ADAM12: variants seen among roughly 807,000 people sequenced by gnomAD.
The protein encoded by ADAM12 is disintegrin and metalloproteinase domain-containing protein 12.
ADAM12 carries 70 observed loss-of-function variants against 106.4 expected under a neutral mutation model. That is an observed-to-expected ratio of 0.66 (90% CI 0.54 to 0.80). ADAM12 has a LOEUF of 0.80. Ranked by LOEUF, ADAM12 falls within the 30% of genes least tolerant of loss-of-function variation. The probability of loss-of-function intolerance (pLI) is 0.00; values close to 1 mark genes in which losing one functional copy is unlikely to be tolerated. For missense variants in ADAM12, 1,010 were observed against 1,171.9 expected, an observed-to-expected ratio of 0.86 and a Z score of 2.02; for synonymous variants, 420 against 433.5, an observed-to-expected ratio of 0.97 and a Z score of 0.39.
intron 6 of ADAM12, among the ~76,000 whole-genome samples, chr10:126,110,059 AC>A (rs1554970110): frequency 6.6e-6 from 1 of 152,110 alleles, no homozygotes; most frequent in Non-Finnish European, 1.5e-5. Flanking sequence ...CACTTGGAAA[AC>A]CCTTAAAAAG....
chr10:126,350,348 G>T (rs1855306304), intron 1 of ADAM12, among the ~76,000 whole-genome samples: 1 of 152,216 alleles, frequency 6.6e-6, no homozygotes, highest in Non-Finnish European at 1.5e-5. Context: ...CACATGGAGA[G>T]AAACTCTCCT....
In ADAM12 at chr10:126,269,283, C is replaced by T. The variant is rs557674561; in HGVS notation, c.260+9632G>A. ...CTGTATTTTGTGCCAACATCCTTCTCATCCTGTGACTTAGAATGCCTTAAC... is the reference window on the plus strand; with the variant it reads ...CTGTATTTTGTGCCAACATCCTTCTTATCCTGTGACTTAGAATGCCTTAAC... On this transcript the variant is annotated intron_variant, in intron 3 of 22. Transcript: ENST00000448723. 2.6e-5 allele frequency among the ~76,000 whole-genome samples: 4 copies of T among 152,180 alleles called. No individual in the cohort carries two copies. In the South Asian group the frequency reaches 8.3e-4, roughly 32 times the overall value.
At chr10:126,179,015 C>T (rs1280747584) in intron 3 of ADAM12, among the ~76,000 whole-genome samples, 1 of 151,664 alleles carries the variant, frequency 6.6e-6, no homozygotes. Flanking sequence ...CCACTGCACT[C>T]CAGCTTGGGC....
At chr10:126,301,163 C>T (rs1184609114) in intron 2 of ADAM12, among the ~76,000 whole-genome samples, 2 of 152,152 alleles carry the variant, frequency 1.3e-5, no homozygotes, top group Non-Finnish European at 2.9e-5. Context: ...CTCCCCAGCA[C>T]AGAATAACCC....
intron 1 of ADAM12, among the ~76,000 whole-genome samples, chr10:126,387,181 A>G (rs1388071424): frequency 6.6e-6 from 1 of 152,252 alleles, no homozygotes. Context: ...CCCGGGCGGC[A>G]GAAAGAAGGC....
At chr10:126,331,888 T>G (rs1854524143) in intron 1 of ADAM12, among the ~76,000 whole-genome samples, 1 of 152,054 alleles carries the variant, frequency 6.6e-6, no homozygotes, top group South Asian at 2.1e-4. Context: ...AACGGCTGCT[T>G]GGAGGTGAAA....
rs115283847 is a variant in ADAM12, at chr10:126,081,975, C to T, written c.1146-10321G>A. Among the ~76,000 whole-genome samples the T allele has an allele frequency of 8.1e-3, 1,232 of 152,198 alleles. 22 individuals are homozygous for T. Among genetic ancestry groups the T allele is most frequent in the African/African-American group, 0.028 (1,149 of 41,510 alleles). On this transcript the variant is annotated intron_variant, in intron 11 of 22. Transcript: ENST00000448723. The stretch of plus-strand genomic sequence containing the variant: ...TTTGAGAGCAAGATGATTCAGGAGG[C>T]GAAGGGATGAGCAAACAGTTAAAGA...
At chr10:126,248,485 C>G (rs80166435) in intron 3 of ADAM12, among the ~76,000 whole-genome samples, 6,203 of 152,194 alleles carry the variant, frequency 0.041, 258 homozygotes, top group African/African-American at 0.098. Context: ...TGTTTTAGAG[C>G]TGATTGTGCT....
chr10:126,190,932 AG>A (rs1269215858), intron 3 of ADAM12, among the ~76,000 whole-genome samples: 1 of 148,012 alleles, frequency 6.8e-6, no homozygotes, highest in African/African-American at 2.5e-5. Context: ...GGCAAATGCC[AG>A]GGTGAAGAGT....
intron 3 of ADAM12, among the ~76,000 whole-genome samples, chr10:126,266,683 C>A (rs367774563): frequency 2.0e-5 from 3 of 152,256 alleles, no homozygotes; most frequent in African/African-American, 7.2e-5. Flanking sequence ...GCAAGCTGTA[C>A]AAGAAGCATG....
chr10:126,378,476 T>G (rs1856372344), intron 1 of ADAM12, among the ~76,000 whole-genome samples: 1 of 152,232 alleles, frequency 6.6e-6, no homozygotes, highest in Non-Finnish European at 1.5e-5. Flanking sequence ...TATATATTGA[T>G]TTTTTAAAAA....
chr10:126,067,864 C>T (rs542339037), intron 12 of ADAM12, among the ~76,000 whole-genome samples: 1 of 152,246 alleles, frequency 6.6e-6, no homozygotes, highest in South Asian at 2.1e-4. Flanking sequence ...CTCCTGAAAA[C>T]CATCTTTCTT....
chr10:126,178,784 C>T (rs1037314499), intron 3 of ADAM12, among the ~76,000 whole-genome samples: 6 of 152,102 alleles, frequency 3.9e-5, no homozygotes, highest in African/African-American at 1.2e-4. Context: ...CAGTGGCTCA[C>T]GCCTGTAATC....
intron 2 of ADAM12, among the ~76,000 whole-genome samples, chr10:126,299,850 G>A (rs1960542925): frequency 6.6e-6 from 1 of 151,994 alleles, no homozygotes; most frequent in East Asian, 1.9e-4. Flanking sequence ...CGCCATGTTG[G>A]CCAGGCTGGT....
Position 126,121,131 on chromosome 10 carries a change from C to CTATATACTA in ADAM12, c.417-2916_417-2908dup, listed in dbSNP as rs372964268. 1.5e-4 allele frequency among the ~76,000 whole-genome samples: 12 copies of CTATATACTA among 81,384 alleles called. 1 individual carries two copies. In the East Asian group the frequency reaches 1.6e-3, roughly 11 times the overall value. 53.4% of individuals were successfully genotyped at this position (81,384 alleles called of 152,430 possible). A position where few individuals can be genotyped will look rare whatever the true frequency, so the allele number is the denominator to read the frequency against. On this transcript the variant is annotated intron_variant, in intron 5 of 22. Transcript: ENST00000448723. ...ATATAGTATATATATAGTATATATA[C>CTATATACTA]TATATACTATATATACTATATATAC...
At chr10:126,052,667 G>T (rs1954534046) in intron 14 of ADAM12, among the ~76,000 whole-genome samples, 1 of 152,118 alleles carries the variant, frequency 6.6e-6, no homozygotes, top group African/African-American at 2.4e-5. Context: ...AGAGAGGAAG[G>T]GGGAGAGAGA....
At chr10:126,274,247 G>A (rs1416170562) in intron 3 of ADAM12, among the ~76,000 whole-genome samples, 1 of 152,190 alleles carries the variant, frequency 6.6e-6, no homozygotes, top group Non-Finnish European at 1.5e-5. Context: ...AGTGGCAGGT[G>A]GCTCTCTGAT....
intron 10 of ADAM12, among the ~76,000 whole-genome samples, chr10:126,094,556 A>G (rs907776254): frequency 1.3e-5 from 2 of 152,210 alleles, no homozygotes; most frequent in African/African-American, 4.8e-5. Flanking sequence ...ATGCTGATAT[A>G]AAGGTGACAG....
At chr10:126,351,951 T>C (rs1431281555) in intron 1 of ADAM12, among the ~76,000 whole-genome samples, 1 of 152,136 alleles carries the variant, frequency 6.6e-6, no homozygotes, top group African/African-American at 2.4e-5. Flanking sequence ...TCGTCCCCTC[T>C]GCTTTAGACA....
Sources: gnomAD v4.1 joint callset for allele counts (sites outside exome capture counted in the v4.1 genomes callset) on GRCh38, gnomAD v4.1.1 for gene constraint, MANE v1.5 for transcripts, NCBI Gene and HGNC (gene_info 2026-07-23, HGNC 2026-07-21) for gene names.